GRIA4: variants seen among roughly 807,000 people sequenced by gnomAD.
GRIA4 encodes the protein glutamate ionotropic receptor AMPA type subunit 4, also known as glutamate receptor 4.
GRIA4 carries 34 observed loss-of-function variants against 104.0 expected under a neutral mutation model. That is an observed-to-expected ratio of 0.33 (90% CI 0.25 to 0.44). The LOEUF (loss-of-function observed/expected upper bound fraction) is 0.44. GRIA4 is among the 20% of genes least tolerant of loss of function. GRIA4 has a pLI of 1.00. For missense variants in GRIA4, 750 were observed against 1,096.5 expected (o/e 0.68, Z 4.46); for synonymous variants, 386 against 381.9 (o/e 1.01, Z -0.13).
rs1307218025 is a variant in GRIA4 at position 105,759,170 on chromosome 11, T to C, written c.487+5950T>C. Among the ~76,000 whole-genome samples, 3 of 152,140 alleles carry C rather than the reference T, an allele frequency of 2.0e-5. No homozygotes were observed. In the East Asian group the frequency reaches 5.8e-4, roughly 29 times the overall value. On this transcript the variant is annotated intron_variant, in intron 4 of 16. Coordinates refer to ENST00000282499, the MANE Select transcript of GRIA4 (RefSeq NM_000829.4). Reference sequence around the variant, plus strand: ...TATATTAAGTTATAACTATCATTCTTTTATTACCATCATCATTAATATGTT... The same window carrying C: ...TATATTAAGTTATAACTATCATTCTCTTATTACCATCATCATTAATATGTT...
chr11:105,934,335 T>A lies in GRIA4; in HGVS notation c.2294+366T>A, dbSNP rs193093837. On this transcript the variant is annotated intron_variant, in intron 14 of 16. Transcript: ENST00000282499. ...AATTCTACATTTTATCATTTTTTTT[T>A]AATTATGCCTGGCCACTAGTCTCTG... 3.5e-3 allele frequency among the ~76,000 whole-genome samples: 536 copies of A among 152,258 alleles called. 5 individuals carry two copies. The highest frequency in any genetic ancestry group is 0.012 in the African/African-American group (479 of 41,548).
chr11:105,645,650 C>T (rs1000654240), intron 3 of GRIA4, among the ~76,000 whole-genome samples: 1 of 152,018 alleles, frequency 6.6e-6, no homozygotes, highest in African/African-American at 2.4e-5. Flanking sequence ...AGAAGGACAC[C>T]ACTGAGTAGA....
chr11:105,782,957 T>C (rs375557088), intron 4 of GRIA4, among the ~76,000 whole-genome samples: 280 of 152,248 alleles, frequency 1.8e-3, no homozygotes, highest in Non-Finnish European at 3.2e-3. Flanking sequence ...CATACATACA[T>C]ACACACACAA....
At chr11:105,935,215 G>A (rs538669191) in intron 14 of GRIA4, among the ~76,000 whole-genome samples, 1 of 152,232 alleles carries the variant, frequency 6.6e-6, no homozygotes, top group Non-Finnish European at 1.5e-5. Context: ...GTAATAATTA[G>A]TGAGGGGTTT....
chr11:105,767,730 T>C (rs1189306389), intron 4 of GRIA4, among the ~76,000 whole-genome samples: 2 of 152,126 alleles, frequency 1.3e-5, no homozygotes, highest in South Asian at 2.1e-4. Context: ...TTAATCTTTA[T>C]AGCATTCTAA....
intron 4 of GRIA4, among the ~76,000 whole-genome samples, chr11:105,826,880 C>T (rs1245069320): frequency 6.6e-6 from 1 of 152,004 alleles, no homozygotes; most frequent in Admixed American, 6.6e-5. Context: ...ACCCTATTTC[C>T]TATTCTTTGG....
intron 3 of GRIA4, among the ~76,000 whole-genome samples, chr11:105,668,076 T>C (rs888205736): frequency 3.3e-5 from 5 of 151,486 alleles, no homozygotes; most frequent in South Asian, 2.1e-4. Context: ...AGCTTTGACA[T>C]ATAAGTGAGA....
At chr11:105,958,506 T>A (rs1285595640) in intron 14 of GRIA4, among the ~76,000 whole-genome samples, 1 of 152,242 alleles carries the variant, frequency 6.6e-6, no homozygotes, top group Non-Finnish European at 1.5e-5. Context: ...ACTGTTGGAT[T>A]TGGTCTGCCA....
At chr11:105,827,013 A>G (rs1428168209) in intron 4 of GRIA4, among the ~76,000 whole-genome samples, 3 of 151,942 alleles carry the variant, frequency 2.0e-5, no homozygotes, top group Non-Finnish European at 2.9e-5. Context: ...TTTTTTTCCA[A>G]ATTCTATTAA....
At chr11:105,644,745 T>A (rs1311247649) in intron 3 of GRIA4, among the ~76,000 whole-genome samples, 1 of 152,152 alleles carries the variant, frequency 6.6e-6, no homozygotes, top group African/African-American at 2.4e-5. Context: ...CTTAAAGAAA[T>A]TTTACTTATG....
intron 9 of GRIA4, 138 bp downstream of exon 9, chr11:105,905,439 T>C: frequency 1.7e-6 from 1 of 588,094 alleles, no homozygotes. Flanking sequence ...ACTTTCTTTA[T>C]AATCAATGCT....
chr11:105,710,515 G>C (rs1157594036), intron 3 of GRIA4, among the ~76,000 whole-genome samples: 3 of 152,078 alleles, frequency 2.0e-5, no homozygotes, highest in Non-Finnish European at 2.9e-5. Context: ...CAAAAAAAGA[G>C]ACATGAGTAT....
At chr11:105,825,101 C>T (rs1221328207) in intron 4 of GRIA4, among the ~76,000 whole-genome samples, 2 of 151,978 alleles carry the variant, frequency 1.3e-5, no homozygotes, top group Non-Finnish European at 2.9e-5. Context: ...TGTAGTTTTC[C>T]AAGTGTCGAA....
chr11:105,698,884 C>T (rs892489369), intron 3 of GRIA4, among the ~76,000 whole-genome samples: 4 of 148,176 alleles, frequency 2.7e-5, no homozygotes, highest in Admixed American at 6.9e-5. Context: ...AACTGCTAGT[C>T]GCAGAACATG....
chr11:105,898,502 T>C (rs1946741557), intron 7 of GRIA4, 75 bp downstream of exon 7: 1 of 925,494 alleles, frequency 1.1e-6, no homozygotes, highest in South Asian at 1.6e-5. Flanking sequence ...ATACAGTTTT[T>C]CCATTAACAT....
intron 4 of GRIA4, among the ~76,000 whole-genome samples, chr11:105,758,620 T>C (rs1484809551): frequency 6.6e-6 from 1 of 152,170 alleles, no homozygotes; most frequent in Non-Finnish European, 1.5e-5. Flanking sequence ...TCCCTTTTAC[T>C]ACAAAAATGA....
chr11:105,867,725 A>T (rs979434171), intron 5 of GRIA4, among the ~76,000 whole-genome samples: 6 of 152,240 alleles, frequency 3.9e-5, no homozygotes, highest in African/African-American at 1.4e-4. Context: ...GAAGAGACAG[A>T]AGAAACAAAA....
intron 3 of GRIA4, among the ~76,000 whole-genome samples, chr11:105,744,606 G>T (rs911827583): frequency 6.6e-6 from 1 of 152,104 alleles, no homozygotes; most frequent in Admixed American, 6.6e-5. Flanking sequence ...AAAAAATGTA[G>T]CTGTCAAATA....
At chr11:105,914,768 T>C (rs917820210) in intron 10 of GRIA4, among the ~76,000 whole-genome samples, 4 of 152,212 alleles carry the variant, frequency 2.6e-5, no homozygotes, top group Non-Finnish European at 4.4e-5. Flanking sequence ...GCAGGTTGTA[T>C]ACATAAGACA....
Sources: gnomAD v4.1 joint callset for allele counts (sites outside exome capture counted in the v4.1 genomes callset) on GRCh38, gnomAD v4.1.1 for gene constraint, MANE v1.5 for transcripts, NCBI Gene and HGNC (gene_info 2026-07-23, HGNC 2026-07-21) for gene names.